The following MLLT10 variants were observed in gnomAD, a reference collection of about 807,000 sequenced individuals.
MLLT10 encodes the protein MLLT10 histone lysine methyltransferase DOT1L cofactor.
Under a neutral mutation model 129.1 loss-of-function variants are expected in MLLT10, and 30 were observed. The ratio of observed to expected loss-of-function variants is 0.23; its 90% confidence interval spans 0.17 to 0.32. MLLT10 has a LOEUF of 0.32. Ranked by LOEUF, MLLT10 falls within the 10% of genes least tolerant of loss-of-function variation. MLLT10 has a pLI of 1.00. For synonymous variants in MLLT10, 490 were observed against 446.4 expected, an observed-to-expected ratio of 1.10 and a Z score of -1.23; for missense variants, 1,119 against 1,268.3, an observed-to-expected ratio of 0.88 and a Z score of 1.79.
intron 14 of MLLT10, among the ~76,000 whole-genome samples, chr10:21,717,587 TC>T (rs1386773469): frequency 1.1e-4 from 13 of 121,430 alleles, no homozygotes; most frequent in Non-Finnish European, 1.9e-4. Flanking sequence ...TCTTTCTTCC[TC>T]TTCCTCTTCT....
intron 3 of MLLT10, among the ~76,000 whole-genome samples, chr10:21,561,655 A>C (rs1353631801): frequency 6.6e-6 from 1 of 152,198 alleles, no homozygotes; most frequent in South Asian, 2.1e-4. Flanking sequence ...TTGCATGTAG[A>C]TAATCCAGTT....
chr10:21,739,953 A>T, intron 21 of MLLT10, 77 bp from the exon 22 acceptor site: 4 of 1,159,840 alleles, frequency 3.4e-6, no homozygotes, highest in Non-Finnish European at 4.8e-6. Context: ...TAAAGGAAAG[A>T]AAACATAAGG....
At chr10:21,625,774 C>T (rs1589298109) in intron 8 of MLLT10, 2 of 768,384 alleles carry the variant, frequency 2.6e-6, no homozygotes, top group East Asian at 4.9e-5. Flanking sequence ...GTCACAGTTT[C>T]ACAGCTTCCT....
chr10:21,612,479 A>G, intron 6 of MLLT10, 28 bp downstream of exon 6: 1 of 1,445,460 alleles, frequency 6.9e-7, no homozygotes, highest in Non-Finnish European at 9.6e-7. Context: ...GTTGCACAGA[A>G]CTGAACTTGG....
At chr10:21,628,334 T>C (rs2046656182) in intron 8 of MLLT10, among the ~76,000 whole-genome samples, 1 of 152,080 alleles carries the variant, frequency 6.6e-6, no homozygotes, top group South Asian at 2.1e-4. Context: ...CTTCAGTGGG[T>C]CAGGAATTTG....
At chr10:21,655,549 G>A (rs760775853) in intron 9 of MLLT10, among the ~76,000 whole-genome samples, 8 of 152,124 alleles carry the variant, frequency 5.3e-5, no homozygotes, top group Admixed American at 2.0e-4. Flanking sequence ...CCATTTAAAC[G>A]TATTAAAATC....
Position 21,626,190 on chromosome 10 carries a change from C to A in MLLT10, c.699+8983C>A, listed in dbSNP as rs557558279. On this transcript the variant is annotated intron_variant, in intron 8 of 22. Transcript: ENST00000307729. ...TTCTGAACATGTGATAAGTCACTTT[C>A]CTTGAACTGCTGTAGTACAGACAGA... 27 of 1,604,656 alleles carry A rather than the reference C, an allele frequency of 1.7e-5. No homozygotes were observed. In the Admixed American group the frequency reaches 3.2e-4, roughly 19 times the overall value.
At position 21,716,285 on chromosome 10, in the gene MLLT10, C is replaced by T. The variant is rs142035692; in HGVS notation, c.1878+2335C>T. Reference sequence around the variant, plus strand: ...AGACCCTGTTTGTTTTCAAGTCTTACATTAGTTGTGTTTAGATAGTCACAT... The same window carrying T: ...AGACCCTGTTTGTTTTCAAGTCTTATATTAGTTGTGTTTAGATAGTCACAT... On this transcript the variant is annotated intron_variant, in intron 14 of 22. Coordinates refer to ENST00000307729, the MANE Select transcript of MLLT10 (RefSeq NM_001195626.3). Among the ~76,000 whole-genome samples, 46 of 152,298 alleles carry T rather than the reference C, an allele frequency of 3.0e-4. No homozygotes were observed. In the East Asian group the frequency reaches 5.6e-3, roughly 18 times the overall value.
intron 3 of MLLT10, among the ~76,000 whole-genome samples, chr10:21,549,199 C>G (rs1011268788): frequency 2.7e-5 from 4 of 150,310 alleles, no homozygotes; most frequent in African/African-American, 9.8e-5. Context: ...TCTCGGCTCA[C>G]TGCAACCTGC....
At chr10:21,651,121 G>A (rs530389971) in intron 8 of MLLT10, among the ~76,000 whole-genome samples, 4 of 152,144 alleles carry the variant, frequency 2.6e-5, no homozygotes, top group East Asian at 3.9e-4. Context: ...GCCCAGGCTC[G>A]GGTGCAGTGG....
chr10:21,676,685 C>T (rs1265071155), intron 11 of MLLT10, among the ~76,000 whole-genome samples: 2 of 123,620 alleles, frequency 1.6e-5, no homozygotes, highest in Non-Finnish European at 3.2e-5. Flanking sequence ...CGGGCCACTG[C>T]ACTCCAGCCT....
intron 3 of MLLT10, among the ~76,000 whole-genome samples, chr10:21,574,042 G>C (rs547318059): frequency 6.6e-6 from 1 of 152,208 alleles, no homozygotes; most frequent in East Asian, 1.9e-4. Flanking sequence ...TGTCTTCTCT[G>C]TTTTCTGGAA....
intron 8 of MLLT10, among the ~76,000 whole-genome samples, chr10:21,644,607 A>G (rs143842657): frequency 1.3e-5 from 2 of 152,148 alleles, no homozygotes; most frequent in Non-Finnish European, 2.9e-5. Context: ...TTTTAGTCTT[A>G]TGGGGAATAC....
In MLLT10 at chr10:21,742,865, A is replaced by G. The variant is rs1033512234; in HGVS notation, c.*882A>G. On this transcript the variant is annotated 3_prime_UTR_variant, in exon 23 of 23. Transcript: ENST00000307729. ...CAGCAGGAATCATCCCGTCACCTGC[A>G]GCCTTCCCATGCTTCCGCCTTTATT... 8.7e-6 allele frequency: 2 copies of G among 229,218 alleles called. No homozygotes were observed. The highest frequency in any genetic ancestry group is 8.7e-6 in the Non-Finnish European group (1 of 115,572). The allele number at this position is 229,218 out of a possible 1,614,324, so 14.2% of individuals were successfully genotyped here. A position where few individuals can be genotyped will look rare whatever the true frequency, so the allele number is the denominator to read the frequency against.
intron 8 of MLLT10, among the ~76,000 whole-genome samples, chr10:21,619,905 T>C (rs543196497): frequency 6.6e-6 from 1 of 151,890 alleles, no homozygotes; most frequent in East Asian, 1.9e-4. Context: ...CCTCCTTACC[T>C]CTTTTAAGTT....
chr10:21,546,595 A>G (rs1354004072), intron 3 of MLLT10, among the ~76,000 whole-genome samples: 1 of 124,468 alleles, frequency 8.0e-6, no homozygotes, highest in Non-Finnish European at 1.7e-5. Flanking sequence ...TTTTTGAGAC[A>G]GGGTCTCTGT....
chr10:21,694,238 A>G (rs539485570), intron 13 of MLLT10, among the ~76,000 whole-genome samples: 3 of 152,332 alleles, frequency 2.0e-5, no homozygotes, highest in East Asian at 3.9e-4. Context: ...TAACACTGCT[A>G]TATTACTACC....
intron 5 of MLLT10, among the ~76,000 whole-genome samples, chr10:21,602,813 CCACCTCCCAGGGTTCA>C (rs1308139882): frequency 2.0e-5 from 3 of 151,854 alleles, no homozygotes; most frequent in Non-Finnish European, 4.4e-5. Flanking sequence ...ACTGCAAGCT[CCACCTCCCAGGGTTCA>C]CACCATTCTC....
chr10:21,587,847 C>G (rs2042136963), intron 4 of MLLT10, among the ~76,000 whole-genome samples: 1 of 152,134 alleles, frequency 6.6e-6, no homozygotes, highest in Non-Finnish European at 1.5e-5. Context: ...CCTGTTATTC[C>G]TCTTCCCCAT....
Sources: gnomAD v4.1 joint callset for allele counts (sites outside exome capture counted in the v4.1 genomes callset) on GRCh38, gnomAD v4.1.1 for gene constraint, MANE v1.5 for transcripts, NCBI Gene and HGNC (gene_info 2026-07-23, HGNC 2026-07-21) for gene names.